Variants in MACROD2 observed in about 807,000 individuals in gnomAD.
MACROD2 encodes ADP-ribose glycohydrolase MACROD2.
Under a neutral mutation model 70.4 loss-of-function variants are expected in MACROD2, and 36 were observed. The observed-to-expected ratio is 0.51, with a 90% CI of 0.39 to 0.68. The LOEUF (loss-of-function observed/expected upper bound fraction) is 0.68. Among genes scored for constraint, MACROD2 ranks in the 30% least tolerant of loss-of-function variants. The pLI is 0.00. For missense variants in MACROD2, 496 were observed against 538.4 expected, an observed-to-expected ratio of 0.92 and a Z score of 0.78; for synonymous variants, 172 against 178.8, an observed-to-expected ratio of 0.96 and a Z score of 0.30.
chr20:14,076,835 CAGATA>C (rs2053921943), intron 2 of MACROD2, among the ~76,000 whole-genome samples: 1 of 152,106 alleles, frequency 6.6e-6, no homozygotes, highest in Non-Finnish European at 1.5e-5. Context: ...GTTTGCTGAT[CAGATA>C]AACTTATGTC....
intron 8 of MACROD2, among the ~76,000 whole-genome samples, chr20:15,585,387 A>C (rs2146655607): frequency 6.6e-6 from 1 of 151,970 alleles, no homozygotes; most frequent in South Asian, 2.1e-4. Context: ...TAGTAGAGAC[A>C]GGATTTTACC....
intron 15 of MACROD2, among the ~76,000 whole-genome samples, chr20:16,016,367 AT>A (rs1484365382): frequency 1.3e-5 from 2 of 152,188 alleles, no homozygotes; most frequent in East Asian, 3.9e-4. Flanking sequence ...TCTGCCTGTT[AT>A]GCAAGTGAGC....
intron 5 of MACROD2, among the ~76,000 whole-genome samples, chr20:15,005,854 C>A (rs2075031502): frequency 6.6e-6 from 1 of 152,086 alleles, no homozygotes; most frequent in South Asian, 2.1e-4. Context: ...TAGTTGATAA[C>A]TGTGTAAACA....
chr20:15,432,656 T>C (rs1429332703), intron 7 of MACROD2, among the ~76,000 whole-genome samples: 1 of 152,120 alleles, frequency 6.6e-6, no homozygotes, highest in Non-Finnish European at 1.5e-5. Flanking sequence ...CCAAACTTCA[T>C]TGCAGAAATG....
At chr20:15,963,941 G>C (rs1808512658) in intron 12 of MACROD2, among the ~76,000 whole-genome samples, 1 of 151,960 alleles carries the variant, frequency 6.6e-6, no homozygotes, top group South Asian at 2.1e-4. Context: ...ATTTGCATTT[G>C]AAAAAATTCT....
chr20:14,908,293 A>G (rs576632918), intron 5 of MACROD2, among the ~76,000 whole-genome samples: 1 of 152,196 alleles, frequency 6.6e-6, no homozygotes, highest in South Asian at 2.1e-4. Flanking sequence ...GTGAGCTGAG[A>G]TCGTGCCACT....
intron 8 of MACROD2, among the ~76,000 whole-genome samples, chr20:15,622,014 A>C (rs1305651936): frequency 6.6e-6 from 1 of 152,202 alleles, no homozygotes; most frequent in East Asian, 1.9e-4. Context: ...CTCTGCAGTG[A>C]GAAGGCAGTG....
At chr20:15,121,836 A>G (rs867952670) in intron 5 of MACROD2, among the ~76,000 whole-genome samples, 1 of 152,210 alleles carries the variant, frequency 6.6e-6, no homozygotes, top group Non-Finnish European at 1.5e-5. Flanking sequence ...TTCTGAAACT[A>G]GGATGATGAC....
intron 8 of MACROD2, among the ~76,000 whole-genome samples, chr20:15,662,930 A>T (rs2049842254): frequency 6.6e-6 from 1 of 152,188 alleles, no homozygotes; most frequent in African/African-American, 2.4e-5. Context: ...ATTCTTTTAT[A>T]CAAGTGACTT....
chr20:15,483,623 A>G (rs1422009372), intron 7 of MACROD2, among the ~76,000 whole-genome samples: 6 of 152,196 alleles, frequency 3.9e-5, no homozygotes, highest in Admixed American at 3.9e-4. Context: ...TTGAAAATAT[A>G]GATTCTTCTT....
At chr20:15,123,623 G>A (rs2076046287) in intron 5 of MACROD2, among the ~76,000 whole-genome samples, 2 of 142,082 alleles carry the variant, frequency 1.4e-5, no homozygotes, top group Admixed American at 1.4e-4. Flanking sequence ...TTTTAAGTAT[G>A]GCTACTAAAA....
chr20:15,785,238 A>G (rs1333375906), intron 8 of MACROD2, among the ~76,000 whole-genome samples: 1 of 152,134 alleles, frequency 6.6e-6, no homozygotes, highest in African/African-American at 2.4e-5. Flanking sequence ...AACAAGAGCC[A>G]CTAAAAGCAG....
At chr20:14,468,687 T>C (rs2084489193) in intron 3 of MACROD2, among the ~76,000 whole-genome samples, 1 of 152,004 alleles carries the variant, frequency 6.6e-6, no homozygotes, top group African/African-American at 2.4e-5. Flanking sequence ...AACTGTCGTA[T>C]TTTTAGTAGA....
At chr20:15,351,472 A>T (rs66715072) in intron 6 of MACROD2, among the ~76,000 whole-genome samples, 14,635 of 152,244 alleles carry the variant, frequency 0.096, 829 homozygotes, top group Middle Eastern at 0.21. Context: ...TTACATATCA[A>T]TTCCATGAGA....
chr20:15,330,026 T>TG (rs772596091), intron 6 of MACROD2, among the ~76,000 whole-genome samples: 7 of 152,048 alleles, frequency 4.6e-5, no homozygotes, highest in Non-Finnish European at 7.4e-5. Flanking sequence ...AAACAGGCCT[T>TG]GCTAAGTTTC....
chr20:15,878,201 A>T (rs1023423931), intron 9 of MACROD2, among the ~76,000 whole-genome samples: 15 of 152,138 alleles, frequency 9.9e-5, no homozygotes, highest in Admixed American at 5.2e-4. Flanking sequence ...TATGAAAAGC[A>T]TAACTGTTCC....
chr20:15,401,380 C>G (rs1209572101), intron 6 of MACROD2, among the ~76,000 whole-genome samples: 1 of 152,192 alleles, frequency 6.6e-6, no homozygotes, highest in Non-Finnish European at 1.5e-5. Flanking sequence ...CAAAGCAGAG[C>G]AACTATCTTT....
intron 5 of MACROD2, among the ~76,000 whole-genome samples, chr20:15,183,763 C>G (rs1296805016): frequency 6.6e-6 from 1 of 152,174 alleles, no homozygotes; most frequent in Non-Finnish European, 1.5e-5. Context: ...CCAATCACAT[C>G]CTGAACAAAA....
chr20:15,688,100 T>C (rs1405487462), intron 8 of MACROD2, among the ~76,000 whole-genome samples: 1 of 152,182 alleles, frequency 6.6e-6, no homozygotes, highest in Non-Finnish European at 1.5e-5. Context: ...CAAAAAGTAA[T>C]GAATTATCAG....
Sources: allele counts gnomAD v4.1 joint callset (sites outside exome capture counted in the v4.1 genomes callset), GRCh38; gene constraint gnomAD v4.1.1; transcripts MANE v1.5; gene names NCBI Gene and HGNC (gene_info 2026-07-23, HGNC 2026-07-21).